The following COP1 variants were observed in gnomAD, a reference collection of about 807,000 sequenced individuals.
COP1 encodes E3 ubiquitin-protein ligase COP1.
In COP1, 24 loss-of-function variants were observed where a neutral mutation model predicts 101.3. That is an observed-to-expected ratio of 0.24 (90% CI 0.17 to 0.33). The LOEUF is 0.33. Among genes scored for constraint, COP1 ranks in the 10% least tolerant of loss-of-function variants. The pLI is 1.00. For synonymous variants in COP1, 347 were observed against 341.9 expected (o/e 1.01, Z -0.17); for missense variants, 663 against 906.2 (o/e 0.73, Z 3.45).
intron 14 of COP1, among the ~76,000 whole-genome samples, chr1:176,038,535 T>C (rs541238768): frequency 1.1e-4 from 17 of 152,238 alleles, no homozygotes; most frequent in African/African-American, 3.6e-4. Flanking sequence ...AAAGAAGAGA[T>C]AGGGCTGGGC....
intron 5 of COP1, among the ~76,000 whole-genome samples, chr1:176,161,184 T>C (rs767221435): frequency 6.6e-6 from 1 of 152,194 alleles, no homozygotes; most frequent in Non-Finnish European, 1.5e-5. Context: ...TTCCTGAAAA[T>C]ATATCTTATC....
chr1:175,989,533 G>T, intron 15 of COP1, 54 bp from the exon 16 acceptor site: 1 of 1,029,026 alleles, frequency 9.7e-7, no homozygotes, highest in Non-Finnish European at 1.5e-6. Flanking sequence ...GGAAAGCAAA[G>T]TTAATTTTAA....
chr1:176,013,049 A>G (rs1003537501), intron 15 of COP1, among the ~76,000 whole-genome samples: 3 of 152,184 alleles, frequency 2.0e-5, no homozygotes, highest in African/African-American at 7.2e-5. Context: ...GTATATGCTT[A>G]TAACTTCCAC....
chr1:176,202,470 T>A (rs939338711), intron 1 of COP1, among the ~76,000 whole-genome samples: 38 of 152,202 alleles, frequency 2.5e-4, no homozygotes, highest in African/African-American at 8.7e-4. Context: ...ATTACAGGCG[T>A]GAACCAAGGT....
At chr1:176,125,123 A>G (rs1413843454) in intron 8 of COP1, among the ~76,000 whole-genome samples, 2 of 151,570 alleles carry the variant, frequency 1.3e-5, no homozygotes, top group African/African-American at 4.9e-5. Context: ...TTCCTATAGA[A>G]TTTTCTAAGC....
At chr1:176,045,581 GAAAAA>G (rs533930344) in intron 12 of COP1, among the ~76,000 whole-genome samples, 2 of 101,168 alleles carry the variant, frequency 2.0e-5, no homozygotes, top group Non-Finnish European at 2.1e-5. Context: ...TGTTTAGAAG[GAAAAA>G]AAAAAAAAAA....
chr1:176,142,165 G>A (rs954276626), intron 6 of COP1, among the ~76,000 whole-genome samples: 1 of 152,040 alleles, frequency 6.6e-6, no homozygotes, highest in Non-Finnish European at 1.5e-5. Flanking sequence ...ATACCAGTAG[G>A]CTGATAAGTT....
chr1:175,952,387 A>T (rs1380082477), intron 18 of COP1, among the ~76,000 whole-genome samples: 1 of 147,960 alleles, frequency 6.8e-6, no homozygotes, highest in Admixed American at 6.9e-5. Context: ...GCACCATTGC[A>T]CTCCATCCTG....
rs192805021 is a variant in COP1, at chr1:176,028,006, G to T, written c.1613-318C>A. ...GGAGCAAAGTCATGTCTTACCTGGGGGCAGGCAAGAGAGCGTGTGCAGGGG... is the reference window on the plus strand; with the variant it reads ...GGAGCAAAGTCATGTCTTACCTGGGTGCAGGCAAGAGAGCGTGTGCAGGGG... On this transcript the variant is annotated intron_variant, in intron 14 of 19. Transcript: ENST00000367669. Among the ~76,000 whole-genome samples the T allele has an allele frequency of 2.1e-3, 319 of 152,098 alleles. 1 individual carries two copies. The highest frequency in any genetic ancestry group is 0.01 in the Middle Eastern group (3 of 294).
chr1:176,166,772 C>T (rs1262774412), intron 3 of COP1, among the ~76,000 whole-genome samples: 1 of 151,852 alleles, frequency 6.6e-6, no homozygotes, highest in Non-Finnish European at 1.5e-5. Flanking sequence ...CCCGTCTCCA[C>T]AAAAAAATAC....
intron 15 of COP1, among the ~76,000 whole-genome samples, chr1:175,992,513 G>A (rs560531923): frequency 5.9e-5 from 9 of 152,304 alleles, no homozygotes; most frequent in South Asian, 4.1e-4. Context: ...AGTGACAGAC[G>A]GCACCTGGAA....
At chr1:175,995,034 T>C (rs1010569005) in intron 15 of COP1, among the ~76,000 whole-genome samples, 1 of 152,160 alleles carries the variant, frequency 6.6e-6, no homozygotes, top group Non-Finnish European at 1.5e-5. Flanking sequence ...TCAGAAATTA[T>C]AACAAACTGT....
intron 5 of COP1, among the ~76,000 whole-genome samples, chr1:176,151,353 AAAAGAAAGAAAGAAAGAAAG>A (rs200187869): frequency 0.015 from 1,773 of 116,082 alleles, 28 homozygotes; most frequent in Middle Eastern, 0.028. Flanking sequence ...GAAAGAAAGA[AAAAGAAAGAAAGAAAGAAAG>A]AAAGAAAGAA....
At chr1:176,038,528 G>T (rs553055879) in intron 14 of COP1, among the ~76,000 whole-genome samples, 1 of 152,250 alleles carries the variant, frequency 6.6e-6, no homozygotes, top group South Asian at 2.1e-4. Flanking sequence ...ACAAGTAAAA[G>T]AAGAGATAGG....
At chr1:176,161,198 TTTTA>T (rs1284318309) in intron 5 of COP1, among the ~76,000 whole-genome samples, 3 of 152,232 alleles carry the variant, frequency 2.0e-5, no homozygotes, top group East Asian at 1.9e-4. Flanking sequence ...TCTTATCTCA[TTTTA>T]TTTATTTTTG....
intron 11 of COP1, among the ~76,000 whole-genome samples, chr1:176,054,161 CT>C (rs71129544): frequency 0.68 from 84,482 of 124,070 alleles, 28,745 homozygotes; most frequent in East Asian, 0.86. Flanking sequence ...GCAAATTATT[CT>C]TTTTTTTTTT....
At chr1:176,000,084 C>T (rs888884512) in intron 15 of COP1, among the ~76,000 whole-genome samples, 1 of 151,986 alleles carries the variant, frequency 6.6e-6, no homozygotes, top group African/African-American at 2.4e-5. Flanking sequence ...TTGACTGTTG[C>T]CTTCGCTGTG....
intron 18 of COP1, among the ~76,000 whole-genome samples, chr1:175,960,656 A>G (rs1558163116): frequency 6.6e-6 from 1 of 152,228 alleles, no homozygotes; most frequent in Non-Finnish European, 1.5e-5. Context: ...TGGTACTGGT[A>G]ACATCAAAAG....
In COP1 at chr1:176,131,508, T is replaced by C. The variant is rs377584180; in HGVS notation, c.968+3502A>G. On this transcript the variant is annotated intron_variant, in intron 8 of 19. Coordinates refer to ENST00000367669, the MANE Select transcript of COP1 (RefSeq NM_022457.7). ...AGTGACCTGACATATAATAAAGATA[T>C]TCATTATAGAAAACTAACAAATCTA... Among the ~76,000 whole-genome samples, 400 of 151,920 alleles carry C rather than the reference T, an allele frequency of 2.6e-3. 3 individuals carry two copies. The highest frequency in any genetic ancestry group is 9.2e-3 in the African/African-American group (381 of 41,538).
Sources: allele counts gnomAD v4.1 joint callset (sites outside exome capture counted in the v4.1 genomes callset), GRCh38; gene constraint gnomAD v4.1.1; transcripts MANE v1.5; gene names NCBI Gene and HGNC (gene_info 2026-07-23, HGNC 2026-07-21).